The following ARHGAP26 variants were observed in gnomAD, a reference collection of about 807,000 sequenced individuals.
ARHGAP26 encodes rho GTPase-activating protein 26.
ARHGAP26 carries 38 observed loss-of-function variants against 104.8 expected under a neutral mutation model. The observed-to-expected ratio is 0.36, with a 90% confidence interval of 0.28 to 0.48. The LOEUF (loss-of-function observed/expected upper bound fraction) is 0.48, where lower values mean the gene tolerates loss of function less well. Ranked by LOEUF, ARHGAP26 falls within the 20% of genes least tolerant of loss-of-function variation. The probability of loss-of-function intolerance (pLI) is 0.99; values close to 1 mark genes in which losing one functional copy is unlikely to be tolerated. For synonymous variants in ARHGAP26, 341 were observed against 340.0 expected, an observed-to-expected ratio of 1.00 and a Z score of -0.03; for missense variants, 704 against 947.9, an observed-to-expected ratio of 0.74 and a Z score of 3.38.
chr5:142,771,006 G>C, intron 1 of ARHGAP26, 91 bp downstream of exon 1: 2 of 1,483,980 alleles, frequency 1.3e-6, no homozygotes, highest in Non-Finnish European at 1.8e-6. Flanking sequence ...CGTCTGCCGG[G>C]TTTCTGCTCC....
intron 11 of ARHGAP26, among the ~76,000 whole-genome samples, chr5:142,965,466 G>C (rs913892410): frequency 1.3e-5 from 2 of 152,180 alleles, no homozygotes; most frequent in African/African-American, 4.8e-5. Context: ...CTAGACCAAG[G>C]AGCCCTCTGG....
chr5:142,973,369 A>T lies in ARHGAP26; in HGVS notation c.1108-40711A>T, dbSNP rs555666315. 5.6e-4 allele frequency among the ~76,000 whole-genome samples: 85 copies of T among 152,356 alleles called. 1 individual carries two copies. The highest frequency in any genetic ancestry group is 1.9e-3 in the African/African-American group (81 of 41,588). ...AAGCACTGTGACAGTAGCGACATCCAAAACTTCTTGAATAATGTGATCTCA... is the reference window on the plus strand; with the variant it reads ...AAGCACTGTGACAGTAGCGACATCCTAAACTTCTTGAATAATGTGATCTCA... On this transcript the variant is annotated intron_variant, in intron 11 of 22. Coordinates refer to ENST00000645722, the MANE Select transcript of ARHGAP26 (RefSeq NM_001135608.3).
intron 14 of ARHGAP26, among the ~76,000 whole-genome samples, chr5:143,049,960 G>A (rs1784766352): frequency 6.6e-6 from 1 of 152,160 alleles, no homozygotes; most frequent in Non-Finnish European, 1.5e-5. Flanking sequence ...CTTCTGCTCT[G>A]TAGTCTGATT....
chr5:142,897,592 G>A (rs1407539269), intron 6 of ARHGAP26, among the ~76,000 whole-genome samples: 3 of 152,192 alleles, frequency 2.0e-5, no homozygotes, highest in Non-Finnish European at 4.4e-5. Context: ...AACCTTCCCC[G>A]TGATTCAGCT....
intron 20 of ARHGAP26, among the ~76,000 whole-genome samples, chr5:143,201,583 C>T (rs968479657): frequency 6.6e-6 from 1 of 152,138 alleles, no homozygotes. Flanking sequence ...AAGTAACCTA[C>T]AGCCAGACAC....
intron 11 of ARHGAP26, among the ~76,000 whole-genome samples, chr5:142,953,461 T>C (rs1768711201): frequency 6.6e-6 from 1 of 152,184 alleles, no homozygotes; most frequent in Admixed American, 6.5e-5. Flanking sequence ...CTTTGAGCAC[T>C]AGATATATAC....
At chr5:142,926,925 A>G (rs1763992399) in intron 10 of ARHGAP26, among the ~76,000 whole-genome samples, 2 of 152,196 alleles carry the variant, frequency 1.3e-5, no homozygotes, top group South Asian at 4.1e-4. Context: ...GAAATGCCGC[A>G]TACACTTCTC....
At chr5:142,986,148 C>A (rs1774692270) in intron 11 of ARHGAP26, among the ~76,000 whole-genome samples, 1 of 152,176 alleles carries the variant, frequency 6.6e-6, no homozygotes, top group Non-Finnish European at 1.5e-5. Context: ...TCCTATTTCT[C>A]CACATCCTCT....
intron 1 of ARHGAP26, among the ~76,000 whole-genome samples, chr5:142,849,560 G>A (rs1370803643): frequency 6.6e-6 from 1 of 151,962 alleles, no homozygotes; most frequent in Admixed American, 6.6e-5. Context: ...TCTTTGTCCT[G>A]TGGATCTTCT....
chr5:142,963,194 A>ATGTGTGTGTGTGTG (rs1375363062), intron 11 of ARHGAP26, among the ~76,000 whole-genome samples: 4 of 102,686 alleles, frequency 3.9e-5, no homozygotes, highest in Admixed American at 9.0e-5. Context: ...ATATATATAT[A>ATGTGTGTGTGTGTG]TATATGTGTG....
At chr5:143,188,946 CT>C (rs1371866501) in intron 20 of ARHGAP26, among the ~76,000 whole-genome samples, 1 of 152,188 alleles carries the variant, frequency 6.6e-6, no homozygotes. Flanking sequence ...TTGTTTGGGG[CT>C]TGTGTAGTTC....
In ARHGAP26 at chr5:143,037,214, T is replaced by C. The variant is rs1051090107; in HGVS notation, c.1163T>C (p.Ile388Thr). Residue 388 changes from isoleucine (I) to threonine (T), a missense_variant, in exon 13 of 23, where the codon ATT (isoleucine) becomes ACT (threonine). Transcript: ENST00000645722. ...QSEGTAQLDS[I>T]GFSIIRKCIH... ...CTTTCAGCTGCGCAGTTGGACAGCA[T>C]TGGCTTCAGCATAATCAGGAAATGC... 6.2e-7 allele frequency: 1 copy of C among 1,604,374 alleles called. No homozygotes were observed. The highest frequency in any genetic ancestry group is 1.3e-5 in the African/African-American group (1 of 74,942).
chr5:143,041,814 A>G lies in ARHGAP26; in HGVS notation c.1211-2A>G. 6.2e-7 allele frequency: 1 copy of G among 1,606,646 alleles called. No individual in the cohort carries two copies. Among genetic ancestry groups the G allele is most frequent in the Non-Finnish European group, 8.5e-7 (1 of 1,176,386 alleles). Reference sequence around the variant, plus strand: ...TTAAATCATCACTGTTTCTTTCCTCAGGGATCAACGAGCAAGGGCTGTATC... The same window carrying G: ...TTAAATCATCACTGTTTCTTTCCTCGGGGATCAACGAGCAAGGGCTGTATC... On this transcript the variant is annotated splice_acceptor_variant, in intron 13 of 22. Coordinates refer to ENST00000645722, the MANE Select transcript of ARHGAP26 (RefSeq NM_001135608.3). LOFTEE classifies it high-confidence loss of function.
intron 1 of ARHGAP26, among the ~76,000 whole-genome samples, chr5:142,800,318 CTG>C (rs1209657209): frequency 6.6e-6 from 1 of 151,874 alleles, no homozygotes; most frequent in African/African-American, 2.4e-5. Flanking sequence ...CTGTCTGTCT[CTG>C]TCTCTCTCTC....
chr5:143,064,751 G>C (rs930365175), intron 17 of ARHGAP26, among the ~76,000 whole-genome samples: 5 of 152,176 alleles, frequency 3.3e-5, no homozygotes, highest in Non-Finnish European at 5.9e-5. Flanking sequence ...GAATTTGTCT[G>C]TTCTGTGGCT....
intron 17 of ARHGAP26, among the ~76,000 whole-genome samples, chr5:143,094,800 G>A (rs1053576399): frequency 1.3e-5 from 2 of 152,118 alleles, no homozygotes; most frequent in Non-Finnish European, 2.9e-5. Context: ...GGGGAAAATG[G>A]CTATGACAGA....
chr5:143,182,506 C>T (rs1804530156), intron 20 of ARHGAP26, among the ~76,000 whole-genome samples: 2 of 152,132 alleles, frequency 1.3e-5, no homozygotes, highest in East Asian at 1.9e-4. Context: ...CTGATGCTTC[C>T]TAAATATTTG....
chr5:142,810,380 T>C (rs1482850954), intron 1 of ARHGAP26, among the ~76,000 whole-genome samples: 2 of 152,198 alleles, frequency 1.3e-5, no homozygotes, highest in Non-Finnish European at 2.9e-5. Flanking sequence ...GTGTTACAGC[T>C]GTCTTCAGGC....
At chr5:143,216,472 C>G (rs1431724280) in intron 22 of ARHGAP26, 1 of 342,860 alleles carries the variant, frequency 2.9e-6, no homozygotes, top group Admixed American at 3.8e-5. Context: ...ATACTACAGC[C>G]TCATGCCTTC....
Sources: allele counts gnomAD v4.1 joint callset (sites outside exome capture counted in the v4.1 genomes callset), GRCh38; gene constraint gnomAD v4.1.1; transcripts MANE v1.5; gene names NCBI Gene and HGNC (gene_info 2026-07-23, HGNC 2026-07-21).